The following CRY1 variants were observed in gnomAD, a reference collection of about 807,000 sequenced individuals.
The protein encoded by CRY1 is cryptochrome-1.
A neutral mutation model predicts 76.0 loss-of-function variants in CRY1; 45 were observed. The ratio of observed to expected loss-of-function variants is 0.59; its 90% CI spans 0.47 to 0.76. The LOEUF (loss-of-function observed/expected upper bound fraction) is 0.76. Ranked by LOEUF, CRY1 falls within the 30% of genes least tolerant of loss-of-function variation. The pLI, the probability that CRY1 is intolerant of heterozygous loss-of-function variation, is 0.00. For synonymous variants in CRY1, 248 were observed against 244.0 expected (o/e 1.02, Z -0.15); for missense variants, 587 against 716.4 (o/e 0.82, Z 2.06).
intron 1 of CRY1, among the ~76,000 whole-genome samples, chr12:107,083,820 T>C (rs930922234): frequency 1.3e-5 from 2 of 152,122 alleles, no homozygotes; most frequent in Admixed American, 1.3e-4. Context: ...CTATTCAACA[T>C]AGTATTGGAA....
chr12:106,992,773 T>A lies in CRY1; in HGVS notation c.*14A>T. On this transcript the variant is annotated intron_variant, in intron 12 of 12. Transcript: ENST00000008527. ...ACTCTTCTAAAGCAAGAAATACAGCTCTAAAATATTTACCTAATTAGTGCT... is the reference window on the plus strand; with the variant it reads ...ACTCTTCTAAAGCAAGAAATACAGCACTAAAATATTTACCTAATTAGTGCT... 6.3e-7 allele frequency: 1 copy of A among 1,585,868 alleles called. No individual in the cohort carries two copies. The highest frequency in any genetic ancestry group is 8.7e-7 in the Non-Finnish European group (1 of 1,154,530).
chr12:106,997,249 T>C (rs759222813), intron 10 of CRY1, 45 bp downstream of exon 10: 2 of 1,460,378 alleles, frequency 1.4e-6, no homozygotes, highest in Non-Finnish European at 1.9e-6. Flanking sequence ...ATTTGTTTAA[T>C]AACCTCTTCA....
chr12:107,059,837 G>A (rs996505604), intron 1 of CRY1, among the ~76,000 whole-genome samples: 2 of 152,188 alleles, frequency 1.3e-5, no homozygotes, highest in African/African-American at 4.8e-5. Flanking sequence ...CCTGGCAGCA[G>A]GTGAAATGAA....
At chr12:107,043,515 C>T (rs1224131674) in intron 1 of CRY1, among the ~76,000 whole-genome samples, 1 of 152,146 alleles carries the variant, frequency 6.6e-6, no homozygotes, top group Non-Finnish European at 1.5e-5. Flanking sequence ...AGCCGAGCAG[C>T]TGCACATCTC....
At chr12:107,026,979 T>C (rs942399133) in intron 1 of CRY1, among the ~76,000 whole-genome samples, 1 of 152,094 alleles carries the variant, frequency 6.6e-6, no homozygotes, top group Non-Finnish European at 1.5e-5. Flanking sequence ...ATAAATATTA[T>C]AAAACAAGGT....
intron 2 of CRY1, among the ~76,000 whole-genome samples, chr12:107,009,604 A>C (rs1244071266): frequency 6.8e-5 from 2 of 29,456 alleles, no homozygotes; most frequent in East Asian, 6.9e-3. Flanking sequence ...ATATATATAA[A>C]ATCTCTATAT....
chr12:107,021,802 G>A (rs964581749), intron 2 of CRY1, among the ~76,000 whole-genome samples: 8 of 151,976 alleles, frequency 5.3e-5, no homozygotes, highest in Admixed American at 5.2e-4. Flanking sequence ...ACAAGAAACT[G>A]GAATTGGATA....
chr12:107,001,451 T>C (rs1366888410), intron 4 of CRY1, 83 bp from the exon 5 acceptor site: 1 of 1,194,636 alleles, frequency 8.4e-7, no homozygotes, highest in East Asian at 2.4e-5. Context: ...CAAATTACTT[T>C]GCAGAAAAAT....
intron 1 of CRY1, among the ~76,000 whole-genome samples, chr12:107,061,632 TC>T (rs1375355877): frequency 6.6e-6 from 1 of 152,092 alleles, no homozygotes; most frequent in Non-Finnish European, 1.5e-5. Flanking sequence ...TCCATCCACC[TC>T]AGCCTCCCAA....
intron 1 of CRY1, among the ~76,000 whole-genome samples, chr12:107,046,526 T>G (rs1406567258): frequency 6.6e-6 from 1 of 152,038 alleles, no homozygotes; most frequent in Non-Finnish European, 1.5e-5. Flanking sequence ...GAATAAGACC[T>G]CACCAATCAG....
intron 1 of CRY1, among the ~76,000 whole-genome samples, chr12:107,034,197 C>T (rs1213184054): frequency 2.0e-5 from 3 of 152,116 alleles, no homozygotes; most frequent in African/African-American, 7.2e-5. Context: ...CCTCACTCCA[C>T]ATTATACACT....
chr12:107,004,136 C>A (rs1471939297), intron 3 of CRY1, among the ~76,000 whole-genome samples: 1 of 152,054 alleles, frequency 6.6e-6, no homozygotes, highest in Admixed American at 6.6e-5. Flanking sequence ...CTGAGTCTCC[C>A]ACTTAGAAGC....
intron 7 of CRY1, 125 bp downstream of exon 7, chr12:106,999,425 TA>T (rs1952274823): frequency 2.4e-6 from 2 of 840,786 alleles, no homozygotes; most frequent in Non-Finnish European, 3.6e-6. Flanking sequence ...TTTGGGGAAT[TA>T]AATGTTTTAT....
At position 106,997,275 on chromosome 12, in the gene CRY1, A is replaced by C; in HGVS notation, c.1585+19T>G. On this transcript the variant is annotated intron_variant, in intron 10 of 12. Coordinates refer to ENST00000008527, the MANE Select transcript of CRY1 (RefSeq NM_004075.5). The stretch of plus-strand genomic sequence containing the variant: ...AACCTCTTCATGTTACTAAGTGCAG[A>C]AATTTCCTTTTCACTTACTTCCACT... 6.2e-7 allele frequency: 1 copy of C among 1,602,096 alleles called. No homozygotes were observed. The highest frequency in any genetic ancestry group is 1.3e-5 in the African/African-American group (1 of 74,764).
At chr12:107,074,628 T>A (rs1029805607) in intron 1 of CRY1, among the ~76,000 whole-genome samples, 3 of 152,238 alleles carry the variant, frequency 2.0e-5, no homozygotes, top group African/African-American at 7.2e-5. Flanking sequence ...TTATATCTTT[T>A]ATAATACTAA....
intron 2 of CRY1, among the ~76,000 whole-genome samples, chr12:107,006,987 A>T (rs979369702): frequency 6.6e-6 from 1 of 152,148 alleles, no homozygotes; most frequent in Non-Finnish European, 1.5e-5. Flanking sequence ...GGAAAAAAAT[A>T]GTATCTCATT....
chr12:107,021,921 A>G (rs1003609831), intron 2 of CRY1, among the ~76,000 whole-genome samples, 163 bp downstream of exon 2: 1 of 152,122 alleles, frequency 6.6e-6, no homozygotes, highest in African/African-American at 2.4e-5. Flanking sequence ...TCTGATTTTT[A>G]CCATGTATAG....
At chr12:107,051,706 T>C (rs967291439) in intron 1 of CRY1, among the ~76,000 whole-genome samples, 1 of 152,184 alleles carries the variant, frequency 6.6e-6, no homozygotes, top group African/African-American at 2.4e-5. Context: ...TGATCTGTAA[T>C]AGAAGTATAT....
intron 1 of CRY1, among the ~76,000 whole-genome samples, chr12:107,061,109 TA>T (rs1953041136): frequency 6.6e-6 from 1 of 152,220 alleles, no homozygotes; most frequent in South Asian, 2.1e-4. Flanking sequence ...GATCTATGGC[TA>T]TAACAACTAT....
Sources: allele counts gnomAD v4.1 joint callset (sites outside exome capture counted in the v4.1 genomes callset), GRCh38; gene constraint gnomAD v4.1.1; transcripts MANE v1.5; gene names NCBI Gene and HGNC (gene_info 2026-07-23, HGNC 2026-07-21).